RELB: variants seen among roughly 807,000 people sequenced by gnomAD.
RELB encodes RELB proto-oncogene, NF-kB subunit.
Under a neutral mutation model 55.4 loss-of-function variants are expected in RELB, and 14 were observed. The ratio of observed to expected loss-of-function variants is 0.25; its 90% CI spans 0.17 to 0.40. The LOEUF is 0.40. Among genes scored for constraint, RELB ranks in the 10% least tolerant of loss-of-function variants. The probability of loss-of-function intolerance (pLI) is 1.00; values close to 1 mark genes in which losing one functional copy is unlikely to be tolerated. For missense variants in RELB, 669 were observed against 830.7 expected, an observed-to-expected ratio of 0.81 and a Z score of 2.39; for synonymous variants, 409 against 371.3, an observed-to-expected ratio of 1.10 and a Z score of -1.17.
chr19:45,010,616 A>G (rs771187192), intron 3 of RELB, among the ~76,000 whole-genome samples: 5 of 152,144 alleles, frequency 3.3e-5, no homozygotes, highest in East Asian at 1.9e-4. Context: ...AGCAGCCAGC[A>G]TGGGTTGAAT....
At position 45,012,126 on chromosome 19, in the gene RELB, G is replaced by GCCGGGC; in HGVS notation, c.364_369dup (p.Gly122_Pro123dup). Reference sequence around the variant, plus strand: ...CCCTGGGCCGACTAGTGTCCCCAGCGCCGGGCCCGGGCCCGCAGCCGCACC... The same window carrying GCCGGGC: ...CCCTGGGCCGACTAGTGTCCCCAGCGCCGGGCCCGGGCCCGGGCCCGCAGCCGCACC... On this transcript the variant is annotated inframe_insertion, in exon 4 of 12. Coordinates refer to ENST00000221452, the MANE Select transcript of RELB (RefSeq NM_006509.4). 6.4e-7 allele frequency: 1 copy of GCCGGGC among 1,556,210 alleles called. No individual in the cohort carries two copies. Among genetic ancestry groups the GCCGGGC allele is most frequent in the Non-Finnish European group, 8.6e-7 (1 of 1,160,038 alleles).
chr19:45,029,071 G>A, intron 8 of RELB, 79 bp downstream of exon 8: 1 of 926,532 alleles, frequency 1.1e-6, no homozygotes. Context: ...CCGGGAAGAT[G>A]AAAGGATGAG....
chr19:45,009,878 A>G, intron 3 of RELB, 56 bp downstream of exon 3: 4 of 1,459,748 alleles, frequency 2.7e-6, no homozygotes, highest in Admixed American at 1.7e-5. Flanking sequence ...TGCCTACAGA[A>G]GGGGGTCTTG....
At chr19:45,019,000 C>T (rs969580907) in intron 4 of RELB, among the ~76,000 whole-genome samples, 9 of 152,104 alleles carry the variant, frequency 5.9e-5, no homozygotes, top group Admixed American at 2.6e-4. Flanking sequence ...TGACATTTTG[C>T]CACATCTGCT....
In RELB at chr19:45,011,995, C is replaced by G. The variant is rs1249839475; in HGVS notation, c.223C>G (p.Pro75Ala). The G allele has an allele frequency of 3.2e-6, 5 of 1,575,584 alleles. No homozygotes were observed. Among genetic ancestry groups the G allele is most frequent in the Non-Finnish European group, 4.3e-6 (5 of 1,165,408 alleles). The change falls in exon 4 of 12, where the codon CCG (proline) becomes GCG (alanine). Residue 75 changes from proline to alanine, a missense_variant. Coordinates refer to ENST00000221452, the MANE Select transcript of RELB (RefSeq NM_006509.4). ...CGGCCTGGACGGGGGACAGCCGGGC[C>G]CGGGCGAGGGGCTGCCACGCCTGGT... Reference protein sequence around the residue: ...GFGLDGGQPGPGEGLPRLVSR... With the variant: ...GFGLDGGQPGAGEGLPRLVSR...
At chr19:45,011,384 G>A (rs934465356) in intron 3 of RELB, among the ~76,000 whole-genome samples, 10 of 146,952 alleles carry the variant, frequency 6.8e-5, no homozygotes, top group African/African-American at 1.3e-4. Flanking sequence ...GGATGGTCTC[G>A]ATCTCCTGAC....
Position 45,037,526 on chromosome 19 carries a change from C to T in RELB, c.1476C>T (p.Asp492=), listed in dbSNP as rs374372014. The part of the protein sequence containing the change: ...PDLLDDGFAY[D]PTAPTLFTML... ...TCCTGGACGATGGCTTTGCCTACGA[C>T]CCTACGGCCCCCACACTCTTCACCA... The change falls in exon 12 of 12, where the codon GAC becomes GAT. Residue 492 remains aspartate, a synonymous_variant. Coordinates refer to ENST00000221452, the MANE Select transcript of RELB (RefSeq NM_006509.4). 2.2e-5 allele frequency: 35 copies of T among 1,613,330 alleles called. No individual in the cohort carries two copies. Among genetic ancestry groups the T allele is most frequent in the Non-Finnish European group, 2.8e-5 (33 of 1,179,786 alleles).
In RELB at chr19:45,037,995, A is replaced by G; in HGVS notation, c.*205A>G. On this transcript the variant is annotated 3_prime_UTR_variant, in exon 12 of 12. Coordinates refer to ENST00000221452, the MANE Select transcript of RELB (RefSeq NM_006509.4). ...TGAGGAAACTGAGTCCGGAGAGGAAAAGGGACATGGCTCCCGTGCACTAGC... is the reference window on the plus strand; with the variant it reads ...TGAGGAAACTGAGTCCGGAGAGGAAGAGGGACATGGCTCCCGTGCACTAGC... 2 of 463,816 alleles carry G rather than the reference A, an allele frequency of 4.3e-6. No homozygotes were observed. Among genetic ancestry groups the G allele is most frequent in the Non-Finnish European group, 7.3e-6 (2 of 272,804 alleles). 28.7% of individuals were successfully genotyped at this position (463,816 alleles called of 1,614,324 possible). A position where few individuals can be genotyped will look rare whatever the true frequency, so the allele number is the denominator to read the frequency against.
At position 45,002,950 on chromosome 19, in the gene RELB, G is replaced by A. The variant is rs191212936; in HGVS notation, c.108G>A (p.Gly36=). 158 of 1,613,304 alleles carry A rather than the reference G, an allele frequency of 9.8e-5. No individual in the cohort carries two copies. The East Asian group carries it at 3.3e-3, about 33-fold the overall frequency. Residue 36 remains glycine (G), a splice_region_variant and synonymous_variant, in exon 2 of 12, where the codon GGG becomes GGA. Transcript: ENST00000221452. ...PPAAPELGAL[G]SPDLSSLSLA... Reference sequence around the variant, plus strand: ...TGAGACGTTTCTCCTTCTCTGCAGGGTCCCCCGACCTCTCCTCACTCTCGC... The same window carrying A: ...TGAGACGTTTCTCCTTCTCTGCAGGATCCCCCGACCTCTCCTCACTCTCGC...
chr19:45,016,533 C>T (rs1453081473), intron 4 of RELB, among the ~76,000 whole-genome samples: 2 of 152,038 alleles, frequency 1.3e-5, no homozygotes, highest in African/African-American at 2.4e-5. Context: ...GGGGATTTTC[C>T]AAAGTGGCGA....
At chr19:45,012,298 G>A (rs747294878) in intron 4 of RELB, 22 bp downstream of exon 4, 3 of 1,364,648 alleles carry the variant, frequency 2.2e-6, no homozygotes, top group South Asian at 3.6e-5. Context: ...GAGCGGCCCC[G>A]GGCGGGTGGG....
Position 45,012,339 on chromosome 19 carries a change from C to T in RELB, c.504+63C>T. 6.8e-6 allele frequency: 7 copies of T among 1,035,436 alleles called. No individual in the cohort carries two copies. The South Asian group carries it at 1.4e-4, about 21-fold the overall frequency. 64.1% of individuals were successfully genotyped at this position (1,035,436 alleles called of 1,614,324 possible). On this transcript the variant is annotated intron_variant, in intron 4 of 11. Coordinates refer to ENST00000221452, the MANE Select transcript of RELB (RefSeq NM_006509.4). ...GGCTTCCCCTGCACCCCGGAGCCAT[C>T]CACATGCATTTATACGTTTATTTGA...
rs1368047406 is a variant in RELB, at chr19:45,009,849, G to T, written c.163+27G>T. Reference sequence around the variant, plus strand: ...TGAGTATCACAGGGCAGGTTTGCGGGGAGGCTGAGGGACCCAAGTGCCTAC... The same window carrying T: ...TGAGTATCACAGGGCAGGTTTGCGGTGAGGCTGAGGGACCCAAGTGCCTAC... On this transcript the variant is annotated intron_variant, in intron 3 of 11. Coordinates refer to ENST00000221452, the MANE Select transcript of RELB (RefSeq NM_006509.4). 6.3e-6 allele frequency: 10 copies of T among 1,597,502 alleles called. No individual in the cohort carries two copies. The East Asian group carries it at 1.8e-4, about 29-fold the overall frequency.
At position 45,029,039 on chromosome 19, in the gene RELB, C is replaced by G. The variant is rs372937293; in HGVS notation, c.991+47C>G. On this transcript the variant is annotated intron_variant, in intron 8 of 11. Coordinates refer to ENST00000221452, the MANE Select transcript of RELB (RefSeq NM_006509.4). ...GCTTGGGCAGAGCGGGGTCTGGCAA[C>G]TTGGAGGGGTAGCCAGGGAGCCCGG... 1.2e-5 allele frequency: 16 copies of G among 1,328,342 alleles called. No individual in the cohort carries two copies. The African/African-American group carries it at 1.7e-4, about 14-fold the overall frequency. 82.3% of individuals were successfully genotyped at this position (1,328,342 alleles called of 1,614,324 possible).
intron 4 of RELB, among the ~76,000 whole-genome samples, chr19:45,015,179 A>G (rs1971407939): frequency 1.3e-5 from 2 of 152,170 alleles, no homozygotes; most frequent in African/African-American, 4.8e-5. Context: ...CTGGGATTAC[A>G]GGCATGAGCC....
At chr19:45,017,022 C>G (rs1369513846) in intron 4 of RELB, among the ~76,000 whole-genome samples, 2 of 152,116 alleles carry the variant, frequency 1.3e-5, no homozygotes, top group African/African-American at 4.8e-5. Flanking sequence ...TATAAACTGT[C>G]CAGCATAACT....
chr19:45,018,753 T>G (rs1412486300), intron 4 of RELB, among the ~76,000 whole-genome samples: 1 of 151,310 alleles, frequency 6.6e-6, no homozygotes, highest in Non-Finnish European at 1.5e-5. Flanking sequence ...CTCGGCTCAC[T>G]GCAACTTGTG....
At chr19:45,035,616 A>AAG (rs1297030708) in intron 11 of RELB, among the ~76,000 whole-genome samples, 1 of 152,116 alleles carries the variant, frequency 6.6e-6, no homozygotes, top group Non-Finnish European at 1.5e-5. Context: ...TCACGAGGTG[A>AAG]AGAGAGAGAG....
intron 4 of RELB, among the ~76,000 whole-genome samples, chr19:45,014,397 C>T (rs962491632): frequency 4.6e-5 from 7 of 151,998 alleles, no homozygotes; most frequent in African/African-American, 1.7e-4. Flanking sequence ...TCTTGAACTT[C>T]TGGCCTCAAG....
Sources: allele counts gnomAD v4.1 joint callset (sites outside exome capture counted in the v4.1 genomes callset), GRCh38; gene constraint gnomAD v4.1.1; transcripts MANE v1.5; gene names NCBI Gene and HGNC (gene_info 2026-07-23, HGNC 2026-07-21).